The following RUSC2 variants were observed in gnomAD, a reference collection of about 807,000 sequenced individuals.
RUSC2 encodes the protein RUN and SH3 domain containing 2.
RUSC2 carries 34 observed loss-of-function variants against 122.2 expected under a neutral mutation model. The ratio of observed to expected loss-of-function variants is 0.28; its 90% confidence interval spans 0.21 to 0.37. The LOEUF (loss-of-function observed/expected upper bound fraction) is 0.37. Ranked by LOEUF, RUSC2 falls within the 10% of genes least tolerant of loss-of-function variation. The probability of loss-of-function intolerance (pLI) is 1.00; values close to 1 mark genes in which losing one functional copy is unlikely to be tolerated. For missense variants in RUSC2, 1,747 were observed against 1,952.4 expected (o/e 0.89, Z 1.98); for synonymous variants, 784 against 790.0 (o/e 0.99, Z 0.13).
At chr9:35,517,009 G>A (rs1428185006) in intron 1 of RUSC2, among the ~76,000 whole-genome samples, 3 of 152,150 alleles carry the variant, frequency 2.0e-5, no homozygotes, top group South Asian at 2.1e-4. Flanking sequence ...GTATCACTTC[G>A]TGATCCATAG....
chr9:35,523,832 A>T (rs114811647), intron 1 of RUSC2, among the ~76,000 whole-genome samples: 4,834 of 151,580 alleles, frequency 0.032, 237 homozygotes, highest in African/African-American at 0.11. Context: ...TAAAAAAAAA[A>T]AATAAAAATT....
In RUSC2 at chr9:35,559,926, G is replaced by A. The variant is rs993627661; in HGVS notation, c.3389-103G>A. On this transcript the variant is annotated intron_variant, in intron 9 of 11. Coordinates refer to ENST00000361226, the MANE Select transcript of RUSC2 (RefSeq NM_014806.5). The stretch of plus-strand genomic sequence containing the variant: ...ATGCAAGTTGACTAGTGCACAGCCT[G>A]CACCGCTGTCTGCAGCAGCTCTGCC... The A allele has an allele frequency of 3.4e-5, 32 of 951,736 alleles. No individual in the cohort carries two copies. The African/African-American group carries it at 5.3e-4, about 16-fold the overall frequency. 59.0% of individuals were successfully genotyped at this position (951,736 alleles called of 1,614,324 possible). A position where few individuals can be genotyped will look rare whatever the true frequency, so the allele number is the denominator to read the frequency against.
chr9:35,491,378 T>G (rs1477160198), intron 1 of RUSC2, among the ~76,000 whole-genome samples: 1 of 152,204 alleles, frequency 6.6e-6, no homozygotes, highest in Non-Finnish European at 1.5e-5. Context: ...TCCTTAGATA[T>G]TAAGCAGTGG....
intron 1 of RUSC2, among the ~76,000 whole-genome samples, chr9:35,495,108 T>TAATA (rs1432405713): frequency 1.2e-4 from 9 of 73,890 alleles, no homozygotes; most frequent in African/African-American, 6.1e-4. Context: ...ATAGTATATA[T>TAATA]TATACATTAT....
At position 35,547,628 on chromosome 9, in the gene RUSC2, C is replaced by A; in HGVS notation, c.1107C>A (p.His369Gln). ...CCAACTGCAACTCCTACCGCCCACA[C>A]TGTGAGCCGTGCCCAGCAGTGGCTG... The part of the protein sequence containing the change: ...LDANCNSYRP[H>Q]CEPCPAVADL... Residue 369 changes from histidine (H) to glutamine (Q), a missense_variant, in exon 2 of 12, where the codon CAC becomes CAA. Transcript: ENST00000361226. This position sits in a 1 kb window ranked among gnomAD's most constrained non-coding sequence, Gnocchi z 4.6. 6.2e-7 allele frequency: 1 copy of A among 1,614,244 alleles called. No individual in the cohort carries two copies. Among genetic ancestry groups the A allele is most frequent in the African/African-American group, 1.3e-5 (1 of 75,068 alleles).
At chr9:35,512,095 G>A (rs1043756365) in intron 1 of RUSC2, among the ~76,000 whole-genome samples, 1 of 151,968 alleles carries the variant, frequency 6.6e-6, no homozygotes, top group Non-Finnish European at 1.5e-5. Context: ...GCAGGAGAAT[G>A]GCATGAACCC....
intron 1 of RUSC2, among the ~76,000 whole-genome samples, chr9:35,509,146 A>G (rs866511413): frequency 4.6e-5 from 7 of 152,198 alleles, no homozygotes; most frequent in African/African-American, 1.4e-4. Flanking sequence ...TAAGAGTTCA[A>G]GACCCTCGTC....
chr9:35,495,000 T>A (rs1455935859), intron 1 of RUSC2, among the ~76,000 whole-genome samples: 1 of 113,722 alleles, frequency 8.8e-6, no homozygotes, highest in Admixed American at 1.3e-4. Context: ...TTTTATATAT[T>A]ATATATACTA....
At chr9:35,503,473 T>C (rs1820854733) in intron 1 of RUSC2, among the ~76,000 whole-genome samples, 1 of 152,192 alleles carries the variant, frequency 6.6e-6, no homozygotes, top group South Asian at 2.1e-4. Flanking sequence ...TATTGCGTGG[T>C]GTATATATAC....
At chr9:35,535,253 T>C (rs1821498942) in intron 1 of RUSC2, among the ~76,000 whole-genome samples, 1 of 151,626 alleles carries the variant, frequency 6.6e-6, no homozygotes, top group Admixed American at 6.6e-5. Context: ...ATAGCTGGGG[T>C]TACAGGTGCC....
chr9:35,535,540 T>C (rs1821507361), intron 1 of RUSC2, among the ~76,000 whole-genome samples: 1 of 148,190 alleles, frequency 6.7e-6, no homozygotes, highest in African/African-American at 2.5e-5. Flanking sequence ...TTCTCTTTTT[T>C]TTTTTTTTTT....
rs201828335 is a variant in RUSC2, at chr9:35,547,076, C to T, written c.555C>T (p.Cys185=). The T allele has an allele frequency of 1.4e-5, 23 of 1,613,250 alleles. No individual in the cohort carries two copies. Among genetic ancestry groups the T allele is most frequent in the South Asian group, 8.8e-5 (8 of 90,884 alleles). Residue 185 remains cysteine, a synonymous_variant, in exon 2 of 12, where the codon TGC becomes TGT. Coordinates refer to ENST00000361226, the MANE Select transcript of RUSC2 (RefSeq NM_014806.5). This position sits in a 1 kb window ranked among gnomAD's most constrained non-coding sequence, Gnocchi z 4.6. Reference sequence around the variant, plus strand: ...TGATGACCTTGGATACTCAGCAGTGCGGCACCAGCCACTGCTGCCGGCCAG... The same window carrying T: ...TGATGACCTTGGATACTCAGCAGTGTGGCACCAGCCACTGCTGCCGGCCAG... ...EPVMTLDTQQ[C]GTSHCCRPEL... is the part of the protein sequence containing the mutation.
chr9:35,497,471 A>G (rs1352861974), intron 1 of RUSC2, among the ~76,000 whole-genome samples: 1 of 152,170 alleles, frequency 6.6e-6, no homozygotes, highest in Non-Finnish European at 1.5e-5. Context: ...CTGGCCATGT[A>G]TAAGAACATC....
Position 35,551,701 on chromosome 9 carries a change from T to C in RUSC2, c.2014+3166T>C, listed in dbSNP as rs530262230. 5.9e-5 allele frequency among the ~76,000 whole-genome samples: 9 copies of C among 152,314 alleles called. No individual in the cohort carries two copies. In the South Asian group the frequency reaches 1.9e-3, roughly 32 times the overall value. On this transcript the variant is annotated intron_variant, in intron 2 of 11. Coordinates refer to ENST00000361226, the MANE Select transcript of RUSC2 (RefSeq NM_014806.5). ...TTCTAAATCAAAAATGAATGACAAT[T>C]CATCAAGCTTTGAATGACAAAAGAA...
At chr9:35,561,148 G>A (rs201941761) in intron 11 of RUSC2, 33 bp from the exon 12 acceptor site, 12 of 1,613,384 alleles carry the variant, frequency 7.4e-6, no homozygotes, top group African/African-American at 1.3e-5. Flanking sequence ...CTTTTGAGGG[G>A]GTTTCTCTGA....
At chr9:35,524,681 G>A (rs973340143) in intron 1 of RUSC2, among the ~76,000 whole-genome samples, 2 of 152,078 alleles carry the variant, frequency 1.3e-5, no homozygotes, top group Admixed American at 6.5e-5. Context: ...CAAAAGTCTG[G>A]TGATCCCAGG....
Position 35,548,005 on chromosome 9 carries a change from G to C in RUSC2, c.1484G>C (p.Arg495Pro). The change falls in exon 2 of 12, where the codon CGC (arginine) becomes CCC (proline). Residue 495 changes from arginine to proline, a missense_variant. Coordinates refer to ENST00000361226, the MANE Select transcript of RUSC2 (RefSeq NM_014806.5). The surrounding 1 kb of genome is among the most constrained non-coding windows in gnomAD (Gnocchi z 4.5). The part of the protein sequence containing the change: ...SPPNLSTGRQ[R>P]SRSYDRSLQR... The stretch of plus-strand genomic sequence containing the variant: ...CCCAACCTCAGCACTGGACGTCAGC[G>C]CTCCCGCAGCTATGATCGCAGCCTG... The C allele has an allele frequency of 6.2e-7, 1 of 1,613,926 alleles. No individual in the cohort carries two copies. The highest frequency in any genetic ancestry group is 1.1e-5 in the South Asian group (1 of 91,082).
At position 35,548,220 on chromosome 9, in the gene RUSC2, G is replaced by C. The variant is rs200032166; in HGVS notation, c.1699G>C (p.Gly567Arg). 6.2e-7 allele frequency: 1 copy of C among 1,613,362 alleles called. No individual in the cohort carries two copies. The highest frequency in any genetic ancestry group is 1.3e-5 in the African/African-American group (1 of 75,054). The change falls in exon 2 of 12, where the codon GGG becomes CGG. Residue 567 changes from glycine (G) to arginine (R), a missense_variant. Physicochemically the swap from Gly to Arg is moderately radical, Grantham distance 125. Transcript: ENST00000361226. This position sits in a 1 kb window ranked among gnomAD's most constrained non-coding sequence, Gnocchi z 4.5. ...SGSPPLRVSV[G>R]DSSQEFSPIQ... ...CTCGCCCCCACTTCGTGTGAGTGTTGGGGACTCCTCCCAGGAGTTCTCACC... is the reference window on the plus strand; with the variant it reads ...CTCGCCCCCACTTCGTGTGAGTGTTCGGGACTCCTCCCAGGAGTTCTCACC...
chr9:35,535,275 C>A (rs2132535485), intron 1 of RUSC2, among the ~76,000 whole-genome samples: 1 of 151,992 alleles, frequency 6.6e-6, no homozygotes, highest in East Asian at 1.9e-4. Flanking sequence ...ACCACCACAC[C>A]CCGCTAATTT....
Sources: allele counts gnomAD v4.1 joint callset (sites outside exome capture counted in the v4.1 genomes callset), GRCh38; gene constraint gnomAD v4.1.1; non-coding constraint Gnocchi (gnomAD v3.1); transcripts MANE v1.5; gene names NCBI Gene and HGNC (gene_info 2026-07-23, HGNC 2026-07-21).